The following DNAH17 variants were observed in gnomAD, a reference collection of about 807,000 sequenced individuals.
The protein encoded by DNAH17 is dynein axonemal heavy chain 17, also known as axonemal beta dynein heavy chain 17.
A neutral mutation model predicts 485.6 loss-of-function variants in DNAH17; 376 were observed. The observed-to-expected ratio is 0.77, with a 90% CI of 0.71 to 0.84. DNAH17 has a LOEUF of 0.84. Among genes scored for constraint, DNAH17 ranks in the 40% least tolerant of loss-of-function variants. DNAH17 has a pLI of 0.00. For missense variants in DNAH17, 6,370 were observed against 5,839.3 expected (o/e 1.09, Z -2.96); for synonymous variants, 3,031 against 2,405.9 (o/e 1.26, Z -7.60).
At chr17:78,466,935 G>A (rs2146558463) in intron 55 of DNAH17, 119 bp from the exon 56 acceptor site, 1 of 1,092,828 alleles carries the variant, frequency 9.2e-7, no homozygotes, top group Admixed American at 3.1e-5. Flanking sequence ...AGCCGCCCAG[G>A]GCCTGGGCAG....
In DNAH17 at chr17:78,437,741, A is replaced by G; in HGVS notation, c.11933T>C (p.Ile3978Thr). ...GTTCTCCAGAATGCCCTGGGGGATG[A>G]TGTGGGTCTCGGGGCTGGGGGCAGG... ...AEPAPSPETH[I>T]IPQGILENAI... is the part of the protein sequence containing the mutation. The change falls in exon 74 of 81, where the codon ATC (isoleucine) becomes ACC (threonine). Residue 3978 changes from isoleucine to threonine, a missense_variant. Transcript: ENST00000389840. 1.9e-6 allele frequency: 3 copies of G among 1,612,366 alleles called. No homozygotes were observed. Among genetic ancestry groups the G allele is most frequent in the Non-Finnish European group, 8.5e-7 (1 of 1,179,706 alleles).
In DNAH17 at chr17:78,449,791, C is replaced by T. The variant is rs2087468538; in HGVS notation, c.11041-207G>A. 7.3e-6 allele frequency: 4 copies of T among 549,424 alleles called. 1 individual carries two copies. Among genetic ancestry groups the T allele is most frequent in the East Asian group, 6.1e-5 (2 of 32,932 alleles). The allele number at this position is 549,424 out of a possible 1,614,324, so 34.0% of individuals were successfully genotyped here. On this transcript the variant is annotated intron_variant, in intron 68 of 80. Transcript: ENST00000389840. ...AGTGAGGGAGGTTGCAGTGTTCAAG[C>T]GATTCTCCTGCCTCAGCCTCCCAAG...
At chr17:78,476,376 C>T (rs1264561131) in intron 52 of DNAH17, among the ~76,000 whole-genome samples, 196 bp downstream of exon 52, 1 of 151,480 alleles carries the variant, frequency 6.6e-6, no homozygotes, top group Non-Finnish European at 1.5e-5. Flanking sequence ...GGACCCACAG[C>T]CACGTGCCGG....
chr17:78,508,620 T>C (rs1179761512), intron 27 of DNAH17, among the ~76,000 whole-genome samples: 1 of 152,098 alleles, frequency 6.6e-6, no homozygotes. Context: ...TATGATGCCA[T>C]TCCTATGAAA....
chr17:78,479,681 G>A (rs764347193), intron 49 of DNAH17, 49 bp from the exon 50 acceptor site: 27 of 1,604,376 alleles, frequency 1.7e-5, no homozygotes, highest in Non-Finnish European at 2.0e-5. Context: ...TTGGGGACCT[G>A]CCTGGGGCCA....
intron 38 of DNAH17, among the ~76,000 whole-genome samples, 162 bp from the exon 39 acceptor site, chr17:78,495,259 C>G (rs776068964): frequency 4.9e-4 from 75 of 152,228 alleles, no homozygotes; most frequent in Non-Finnish European, 7.4e-4. Flanking sequence ...CCCGCCTGCT[C>G]CCTACTTCCC....
chr17:78,528,047 G>C (rs1344163734), intron 22 of DNAH17, among the ~76,000 whole-genome samples: 3 of 151,808 alleles, frequency 2.0e-5, no homozygotes, highest in African/African-American at 7.3e-5. Context: ...CCAAAGTGCT[G>C]AAATTACAGG....
At chr17:78,494,565 G>A in intron 40 of DNAH17, 28 bp downstream of exon 40, 1 of 1,609,806 alleles carries the variant, frequency 6.2e-7, no homozygotes, top group Non-Finnish European at 8.5e-7. Context: ...GGCTTCTCCG[G>A]ACAGACCTGA....
At chr17:78,432,831 G>A (rs369739465) in intron 75 of DNAH17, among the ~76,000 whole-genome samples, 3 of 151,456 alleles carry the variant, frequency 2.0e-5, no homozygotes, top group East Asian at 2.0e-4. Context: ...GGCCCATGAG[G>A]AAGCAGGCTT....
chr17:78,507,735 G>GTGCC lies in DNAH17; in HGVS notation c.4303_4306dup (p.Thr1436ArgfsTer57). ...CACCTCGCTGGACTTGAGCATCATG[G>GTGCC]TGCCTGTCCGCGGGTGCGGCTCGTG... On this transcript the variant is annotated frameshift_variant, in exon 28 of 81. Coordinates refer to ENST00000389840, the MANE Select transcript of DNAH17 (RefSeq NM_173628.4). LOFTEE classifies it high-confidence loss of function. The GTGCC allele has an allele frequency of 6.2e-7, 1 of 1,603,982 alleles. No individual in the cohort carries two copies. The highest frequency in any genetic ancestry group is 8.5e-7 in the Non-Finnish European group (1 of 1,178,994).
Position 78,486,554 on chromosome 17 carries a change from G to A in DNAH17, c.6819-48C>T, listed in dbSNP as rs373295105. On this transcript the variant is annotated intron_variant, in intron 44 of 80. Coordinates refer to ENST00000389840, the MANE Select transcript of DNAH17 (RefSeq NM_173628.4). The stretch of plus-strand genomic sequence containing the variant: ...ATGACACAGCCGCTGCTCTGGGTCT[G>A]CCAGTGTCCCTGCCTTGGTAAACGC... The A allele has an allele frequency of 4.6e-4, 722 of 1,553,358 alleles. 2 individuals are homozygous for A. The highest frequency in any genetic ancestry group is 5.9e-4 in the Non-Finnish European group (673 of 1,148,846).
Position 78,501,730 on chromosome 17 carries a change from G to T in DNAH17, c.5322+12C>A, listed in dbSNP as rs749917722. The T allele has an allele frequency of 6.2e-7, 1 of 1,611,226 alleles. No homozygotes were observed. On this transcript the variant is annotated intron_variant, in intron 34 of 80. Coordinates refer to ENST00000389840, the MANE Select transcript of DNAH17 (RefSeq NM_173628.4). ...GCCCTTCCCCTGGCCCCTGGGACAG[G>T]GGCGCTCATGCCTTGGCCACGATCA...
Position 78,423,911 on chromosome 17 carries a change from C to T in DNAH17, c.13384G>A (p.Val4462Ile), listed in dbSNP as rs771217788. ...ILAAVALLLQV is the reference protein window; with the variant it reads ...ILAAVALLLQI ...GGCTGTGAGGCAGGAGCGAGCTAAA[C>T]CTGTAGGAGCAGCGCCACGGCTGCC... The change falls in exon 81 of 81, where the codon GTT becomes ATT. Residue 4462 changes from valine to isoleucine, a missense_variant. Coordinates refer to ENST00000389840, the MANE Select transcript of DNAH17 (RefSeq NM_173628.4). 6.2e-7 allele frequency: 1 copy of T among 1,613,976 alleles called. No homozygotes were observed. The highest frequency in any genetic ancestry group is 8.5e-7 in the Non-Finnish European group (1 of 1,179,874).
At chr17:78,563,655 G>A (rs1037255181) in intron 11 of DNAH17, among the ~76,000 whole-genome samples, 1 of 152,116 alleles carries the variant, frequency 6.6e-6, no homozygotes, top group African/African-American at 2.4e-5. Context: ...GAAAGGAAGC[G>A]AATTCTATTT....
At position 78,490,816 on chromosome 17, in the gene DNAH17, G is replaced by A. The variant is rs370004007; in HGVS notation, c.6701C>T (p.Pro2234Leu). 345 of 1,604,246 alleles carry A rather than the reference G, an allele frequency of 2.2e-4. No individual in the cohort carries two copies. Among genetic ancestry groups the A allele is most frequent in the Non-Finnish European group, 2.7e-4 (322 of 1,175,590 alleles). The change falls in exon 44 of 81, where the codon CCC (proline) becomes CTC (leucine). Residue 2234 changes from proline to leucine, a missense_variant. Coordinates refer to ENST00000389840, the MANE Select transcript of DNAH17 (RefSeq NM_173628.4). Reference sequence around the variant, plus strand: ...CACCAGCCTCATGGTGCGGTTCAGGGGGATCCGCTCGTTGCTGGCCAGGGT... The same window carrying A: ...CACCAGCCTCATGGTGCGGTTCAGGAGGATCCGCTCGTTGCTGGCCAGGGT... ...VLTLASNERI[P>L]LNRTMRLVFE...
At chr17:78,540,451 GT>G (rs2091500037) in intron 17 of DNAH17, among the ~76,000 whole-genome samples, 1 of 15,230 alleles carries the variant, frequency 6.6e-5, no homozygotes, top group Non-Finnish European at 1.2e-4. Flanking sequence ...GGATGGATGG[GT>G]GGGTGGGTGG....
intron 22 of DNAH17, among the ~76,000 whole-genome samples, chr17:78,527,485 A>G (rs2091110582): frequency 6.6e-6 from 1 of 152,168 alleles, no homozygotes; most frequent in African/African-American, 2.4e-5. Flanking sequence ...ACCTTTCATC[A>G]TGTTTTTAAA....
intron 54 of DNAH17, chr17:78,472,635 G>A (rs1415655333): frequency 2.3e-6 from 1 of 435,976 alleles, no homozygotes; most frequent in Non-Finnish European, 4.6e-6. Flanking sequence ...TGTGTGTGGG[G>A]TGTGGGGAGG....
chr17:78,566,289 A>T (rs1250587411), intron 11 of DNAH17, among the ~76,000 whole-genome samples: 3 of 152,202 alleles, frequency 2.0e-5, no homozygotes, highest in Non-Finnish European at 4.4e-5. Flanking sequence ...TACCTCTTTA[A>T]CTTTCACTCC....
Sources: gnomAD v4.1 joint callset for allele counts (sites outside exome capture counted in the v4.1 genomes callset) on GRCh38, gnomAD v4.1.1 for gene constraint, MANE v1.5 for transcripts, NCBI Gene and HGNC (gene_info 2026-07-23, HGNC 2026-07-21) for gene names.